Variants in PEX5L observed in about 807,000 individuals in gnomAD.
PEX5L encodes PEX5-related protein.
In PEX5L, 30 loss-of-function variants were observed where a neutral mutation model predicts 84.0. The observed-to-expected ratio is 0.36, with a 90% confidence interval of 0.27 to 0.48. The LOEUF is 0.48. Ranked by LOEUF, PEX5L falls within the 20% of genes least tolerant of loss-of-function variation. PEX5L has a pLI of 0.99. For missense variants in PEX5L, 533 were observed against 754.6 expected (o/e 0.71, Z 3.44); for synonymous variants, 270 against 283.1 (o/e 0.95, Z 0.46).
chr3:179,989,621 A>G (rs970456064), intron 1 of PEX5L, among the ~76,000 whole-genome samples: 2 of 152,192 alleles, frequency 1.3e-5, no homozygotes, highest in Non-Finnish European at 2.9e-5. Flanking sequence ...ATTGTAATTT[A>G]TATCATTTGT....
At chr3:179,968,616 G>A (rs903512602) in intron 2 of PEX5L, among the ~76,000 whole-genome samples, 4 of 151,698 alleles carry the variant, frequency 2.6e-5, no homozygotes, top group African/African-American at 9.7e-5. Flanking sequence ...TACCTTCTAC[G>A]CTTAAAGTTT....
intron 8 of PEX5L, among the ~76,000 whole-genome samples, chr3:179,839,149 A>G (rs964174823): frequency 2.0e-5 from 3 of 152,150 alleles, no homozygotes; most frequent in African/African-American, 7.2e-5. Flanking sequence ...TGAGGTAAGG[A>G]AATGAAGAGA....
intron 2 of PEX5L, among the ~76,000 whole-genome samples, chr3:179,949,297 T>C: frequency 6.6e-6 from 1 of 152,240 alleles, no homozygotes; most frequent in Non-Finnish European, 1.5e-5. Context: ...TTAGAATGTT[T>C]CCTTAGAGCC....
chr3:179,877,189 T>C (rs1189489428), intron 5 of PEX5L, among the ~76,000 whole-genome samples: 1 of 152,240 alleles, frequency 6.6e-6, no homozygotes, highest in Non-Finnish European at 1.5e-5. Context: ...TAGCACAATA[T>C]CTTCAAGGTT....
In PEX5L at chr3:179,834,580, C is replaced by T. The variant is rs535974547; in HGVS notation, c.823-14604G>A. Reference sequence around the variant, plus strand: ...TGAGCAGAGGGGGAAGGAGTAGGGCCGGGAGAGAGAAGGTTGGGCAGAGGA... The same window carrying T: ...TGAGCAGAGGGGGAAGGAGTAGGGCTGGGAGAGAGAAGGTTGGGCAGAGGA... On this transcript the variant is annotated intron_variant, in intron 8 of 14. Coordinates refer to ENST00000467460, the MANE Select transcript of PEX5L (RefSeq NM_016559.3). Among the ~76,000 whole-genome samples, 4 of 152,116 alleles carry T rather than the reference C, an allele frequency of 2.6e-5. No homozygotes were observed. In the South Asian group the frequency reaches 6.2e-4, roughly 24 times the overall value.
chr3:179,822,266 A>G (rs975883501), intron 8 of PEX5L, among the ~76,000 whole-genome samples: 1 of 152,238 alleles, frequency 6.6e-6, no homozygotes, highest in Non-Finnish European at 1.5e-5. Flanking sequence ...GCATATTACA[A>G]GTCTTCTGCA....
chr3:179,837,988 C>T (rs1735629310), intron 8 of PEX5L, among the ~76,000 whole-genome samples: 1 of 152,136 alleles, frequency 6.6e-6, no homozygotes. Flanking sequence ...GTTGCATTCC[C>T]CCAAAAGTTT....
chr3:179,934,434 T>G (rs1232674708), intron 2 of PEX5L, among the ~76,000 whole-genome samples: 1 of 152,224 alleles, frequency 6.6e-6, no homozygotes, highest in Non-Finnish European at 1.5e-5. Flanking sequence ...AGAACCTTCA[T>G]GAACATTGTC....
intron 7 of PEX5L, among the ~76,000 whole-genome samples, chr3:179,865,716 A>T (rs1196103938): frequency 6.6e-6 from 1 of 152,110 alleles, no homozygotes; most frequent in Non-Finnish European, 1.5e-5. Context: ...CACTGGAATC[A>T]CTGGAAGGCC....
chr3:179,915,330 T>C (rs553463137), intron 2 of PEX5L, among the ~76,000 whole-genome samples: 1 of 152,326 alleles, frequency 6.6e-6, no homozygotes, highest in South Asian at 2.1e-4. Context: ...AGTAGTGCTT[T>C]GAGTCAATCT....
chr3:179,929,739 T>C (rs551791891), intron 2 of PEX5L, among the ~76,000 whole-genome samples: 2 of 152,314 alleles, frequency 1.3e-5, no homozygotes, highest in South Asian at 2.1e-4. Context: ...ACTGGGATCA[T>C]GGATAACCTT....
intron 1 of PEX5L, among the ~76,000 whole-genome samples, chr3:180,033,916 C>T (rs893588575): frequency 2.0e-5 from 3 of 152,114 alleles, no homozygotes; most frequent in African/African-American, 7.2e-5. Flanking sequence ...GTAATAGATG[C>T]CAACTTTTAT....
At chr3:179,834,885 A>C (rs1199072623) in intron 8 of PEX5L, among the ~76,000 whole-genome samples, 2 of 152,314 alleles carry the variant, frequency 1.3e-5, no homozygotes, top group African/African-American at 4.8e-5. Flanking sequence ...TTGCAGATGT[A>C]ATCAAGTTCA....
intron 7 of PEX5L, among the ~76,000 whole-genome samples, chr3:179,872,674 C>T (rs896137921): frequency 2.0e-5 from 3 of 152,142 alleles, no homozygotes; most frequent in African/African-American, 7.2e-5. Context: ...CCAGGGACAC[C>T]AGCTGATCTT....
chr3:179,890,588 A>G (rs762350541), intron 3 of PEX5L, among the ~76,000 whole-genome samples: 3 of 152,208 alleles, frequency 2.0e-5, no homozygotes, highest in Non-Finnish European at 2.9e-5. Context: ...AGAAATATCA[A>G]CGTTATGTAG....
At chr3:180,026,582 G>A (rs1440500638) in intron 1 of PEX5L, among the ~76,000 whole-genome samples, 6 of 152,158 alleles carry the variant, frequency 3.9e-5, no homozygotes, top group Admixed American at 3.9e-4. Context: ...AAAAAGGAGT[G>A]AGCAGTAGAT....
chr3:179,848,572 AAAG>A (rs1383990906), intron 8 of PEX5L, among the ~76,000 whole-genome samples: 3 of 151,810 alleles, frequency 2.0e-5, no homozygotes, highest in Non-Finnish European at 4.4e-5. Context: ...AAAAAAAAGA[AAAG>A]AAGAATTAAT....
intron 2 of PEX5L, among the ~76,000 whole-genome samples, chr3:179,961,195 A>G (rs369286081): frequency 0.027 from 3,712 of 139,896 alleles, 161 homozygotes; most frequent in African/African-American, 0.093. Context: ...TCACTTGTGT[A>G]TGTGTATGTG....
At chr3:179,915,128 AC>A (rs1766576270) in intron 2 of PEX5L, among the ~76,000 whole-genome samples, 1 of 152,202 alleles carries the variant, frequency 6.6e-6, no homozygotes, top group African/African-American at 2.4e-5. Flanking sequence ...TCAGTGTCAT[AC>A]ATATAAAGCC....
Sources: allele counts gnomAD v4.1 joint callset (sites outside exome capture counted in the v4.1 genomes callset), GRCh38; gene constraint gnomAD v4.1.1; transcripts MANE v1.5; gene names NCBI Gene and HGNC (gene_info 2026-07-23, HGNC 2026-07-21).